Variants in DOCK1 observed in about 807,000 individuals in gnomAD.
DOCK1 encodes the protein dedicator of cytokinesis protein 1.
In DOCK1, 138 loss-of-function variants were observed where a neutral mutation model predicts 262.7. That is an observed-to-expected ratio of 0.53 (90% CI 0.46 to 0.61). DOCK1 has a LOEUF of 0.61. Among genes scored for constraint, DOCK1 ranks in the 20% least tolerant of loss-of-function variants. DOCK1 has a pLI of 0.00. For synonymous variants in DOCK1, 866 were observed against 867.4 expected (o/e 1.00, Z 0.03); for missense variants, 1,908 against 2,370.7 (o/e 0.80, Z 4.05).
intron 39 of DOCK1, among the ~76,000 whole-genome samples, chr10:127,403,534 C>A (rs1341043026): frequency 1.3e-5 from 2 of 152,118 alleles, no homozygotes; most frequent in East Asian, 3.9e-4. Context: ...CTAAGGCAGG[C>A]GGATCACGAG....
At chr10:127,023,542 C>CTTTTTT (rs10652401) in intron 14 of DOCK1, among the ~76,000 whole-genome samples, 4 of 124,372 alleles carry the variant, frequency 3.2e-5, no homozygotes, top group Admixed American at 8.5e-5. Flanking sequence ...TCCCTGTGGT[C>CTTTTTT]TTTTTTTTTT....
chr10:127,217,419 A>G (rs1232672213), intron 27 of DOCK1, among the ~76,000 whole-genome samples: 1 of 152,234 alleles, frequency 6.6e-6, no homozygotes, highest in Non-Finnish European at 1.5e-5. Flanking sequence ...GAAGCCTATC[A>G]TGTGTATTGG....
chr10:126,994,404 G>A (rs1038167742), intron 6 of DOCK1, among the ~76,000 whole-genome samples: 1 of 152,144 alleles, frequency 6.6e-6, no homozygotes, highest in Non-Finnish European at 1.5e-5. Flanking sequence ...AATAGTGGAG[G>A]GAAGGTCAGC....
intron 22 of DOCK1, among the ~76,000 whole-genome samples, chr10:127,053,343 A>G (rs1362498581): frequency 6.6e-6 from 1 of 152,190 alleles, no homozygotes; most frequent in Non-Finnish European, 1.5e-5. Flanking sequence ...CTCCATCTCA[A>G]AAACAAAATA....
intron 1 of DOCK1, among the ~76,000 whole-genome samples, chr10:126,939,613 G>A (rs1332471655): frequency 6.6e-6 from 1 of 152,054 alleles, no homozygotes; most frequent in Non-Finnish European, 1.5e-5. Flanking sequence ...CTCCTGCCTC[G>A]GCCTCCCAGA....
At chr10:127,035,813 C>G (rs2043556598) in intron 18 of DOCK1, among the ~76,000 whole-genome samples, 1 of 151,796 alleles carries the variant, frequency 6.6e-6, no homozygotes, top group African/African-American at 2.4e-5. Context: ...AGGTTAAGAC[C>G]AGCCTGGGCA....
intron 2 of DOCK1, 110 bp downstream of exon 2, chr10:126,970,895 G>A: frequency 1.6e-6 from 2 of 1,235,848 alleles, no homozygotes; most frequent in South Asian, 1.7e-5. Context: ...AGACAGTCAT[G>A]CTTCCTTCTC....
chr10:127,180,710 C>CTGTT (rs759565648), intron 27 of DOCK1, among the ~76,000 whole-genome samples: 89 of 152,212 alleles, frequency 5.8e-4, no homozygotes, highest in Non-Finnish European at 1.1e-3. Context: ...AACTTAATGG[C>CTGTT]TAACAATAGG....
chr10:127,393,894 A>AT (rs142537963), intron 38 of DOCK1, among the ~76,000 whole-genome samples: 15,022 of 152,000 alleles, frequency 0.099, 855 homozygotes, highest in African/African-American at 0.13. Flanking sequence ...TCCCGAGCTA[A>AT]TAATGACTCC....
chr10:127,004,624 C>G (rs1294366592), intron 10 of DOCK1, among the ~76,000 whole-genome samples: 1 of 151,996 alleles, frequency 6.6e-6, no homozygotes, highest in Non-Finnish European at 1.5e-5. Flanking sequence ...TGGCTTGCAC[C>G]TGTGGTCCCA....
At chr10:127,050,017 C>G (rs553900141) in intron 21 of DOCK1, among the ~76,000 whole-genome samples, 8 of 134,726 alleles carry the variant, frequency 5.9e-5, no homozygotes, top group South Asian at 2.4e-4. Flanking sequence ...GAGTGCCCAC[C>G]TAGTGTATTG....
rs569401827 is a variant in DOCK1 at position 127,266,725 on chromosome 10, G to A, written c.3044+9296G>A. Among the ~76,000 whole-genome samples, 5 of 152,266 alleles carry A rather than the reference G, an allele frequency of 3.3e-5. No individual in the cohort carries two copies. The East Asian group carries it at 9.7e-4, about 29-fold the overall frequency. On this transcript the variant is annotated intron_variant, in intron 29 of 51. Transcript: ENST00000623213. ...TGAAAAAAATAGCAATTGAAACTCAGTATAGTGAAAACATTCTGGAATGAA... is the reference window on the plus strand; with the variant it reads ...TGAAAAAAATAGCAATTGAAACTCAATATAGTGAAAACATTCTGGAATGAA...
At chr10:127,445,598 G>T (rs1466621697) in intron 50 of DOCK1, among the ~76,000 whole-genome samples, 1 of 152,194 alleles carries the variant, frequency 6.6e-6, no homozygotes, top group Non-Finnish European at 1.5e-5. Context: ...ACAATTTAGT[G>T]GTTCCTCCAA....
intron 19 of DOCK1, 85 bp from the exon 20 acceptor site, chr10:127,042,540 A>G: frequency 1.7e-6 from 2 of 1,196,408 alleles, no homozygotes; most frequent in Admixed American, 3.4e-5. Flanking sequence ...GGGTATTTGG[A>G]GTACTGCAGA....
In DOCK1 at chr10:127,408,979, G is replaced by A. The variant is rs566790127; in HGVS notation, c.4123-58G>A. 8.7e-5 allele frequency: 132 copies of A among 1,522,142 alleles called. No individual in the cohort carries two copies. The African/African-American group carries it at 1.6e-3, about 19-fold the overall frequency. 94.3% of individuals were successfully genotyped at this position (1,522,142 alleles called of 1,614,324 possible). A position where few individuals can be genotyped will look rare whatever the true frequency, so the allele number is the denominator to read the frequency against. ...ATATTTTAAGGCCAGCATATTGCAT[G>A]TGAACTCTTCCTGGCCCTTTCTCTG... On this transcript the variant is annotated intron_variant, in intron 40 of 51. Coordinates refer to ENST00000623213, the MANE Select transcript of DOCK1 (RefSeq NM_001290223.2).
intron 10 of DOCK1, among the ~76,000 whole-genome samples, chr10:127,006,895 A>AC (rs2041069969): frequency 7.3e-6 from 1 of 136,656 alleles, no homozygotes; most frequent in Non-Finnish European, 1.7e-5. Flanking sequence ...CTCGGGTCAG[A>AC]CTCCCTTGGT....
At chr10:127,223,696 TC>T (rs1222869334) in intron 27 of DOCK1, among the ~76,000 whole-genome samples, 2 of 152,232 alleles carry the variant, frequency 1.3e-5, no homozygotes, top group Non-Finnish European at 2.9e-5. Context: ...AGAGAAGACA[TC>T]AAGCATCAAG....
intron 29 of DOCK1, among the ~76,000 whole-genome samples, chr10:127,320,172 G>A (rs2062456837): frequency 6.6e-6 from 1 of 151,952 alleles, no homozygotes. Context: ...GCCTGGCCTT[G>A]CAGACACTGA....
At chr10:126,968,624 C>G (rs995371388) in intron 1 of DOCK1, among the ~76,000 whole-genome samples, 1 of 152,178 alleles carries the variant, frequency 6.6e-6, no homozygotes, top group Non-Finnish European at 1.5e-5. Context: ...TTGATGTGCT[C>G]ATTTTATTTC....
Sources: gnomAD v4.1 joint callset for allele counts (sites outside exome capture counted in the v4.1 genomes callset) on GRCh38, gnomAD v4.1.1 for gene constraint, MANE v1.5 for transcripts, NCBI Gene and HGNC (gene_info 2026-07-23, HGNC 2026-07-21) for gene names.